C9orf153: variants seen among roughly 807,000 people sequenced by gnomAD.
C9orf153 encodes chromosome 9 open reading frame 153.
In C9orf153, 10 loss-of-function variants were observed where a neutral mutation model predicts 9.0. That is an observed-to-expected ratio of 1.11 (90% CI 0.69 to 1.89). The LOEUF (loss-of-function observed/expected upper bound fraction) is 1.89, where lower values mean the gene tolerates loss of function less well. Among genes scored for constraint, C9orf153 ranks in the 40% most tolerant of loss-of-function variants. The pLI is 0.00. For missense variants in C9orf153, 108 were observed against 111.0 expected, an observed-to-expected ratio of 0.97 and a Z score of 0.12; for synonymous variants, 35 against 37.3, an observed-to-expected ratio of 0.94 and a Z score of 0.23.
chr9:86,256,917 C>T (rs1005112584), intron 1 of C9orf153, among the ~76,000 whole-genome samples: 20 of 152,146 alleles, frequency 1.3e-4, no homozygotes, highest in Admixed American at 5.9e-4. Context: ...CCCAGCTACA[C>T]GGGAGGCTGA....
At chr9:86,240,999 G>A (rs2131192772) in intron 1 of C9orf153, among the ~76,000 whole-genome samples, 1 of 152,156 alleles carries the variant, frequency 6.6e-6, no homozygotes, top group Non-Finnish European at 1.5e-5. Context: ...GAGCCACTGT[G>A]CCGGCCCTAA....
At chr9:86,245,545 G>A (rs1217744356) in intron 1 of C9orf153, among the ~76,000 whole-genome samples, 1 of 152,144 alleles carries the variant, frequency 6.6e-6, no homozygotes, top group Non-Finnish European at 1.5e-5. Context: ...TTAGCATGAT[G>A]TCCTCCGGGT....
At chr9:86,256,918 G>A (rs1220539346) in intron 1 of C9orf153, among the ~76,000 whole-genome samples, 2 of 152,086 alleles carry the variant, frequency 1.3e-5, no homozygotes, top group Non-Finnish European at 2.9e-5. Context: ...CCAGCTACAC[G>A]GGAGGCTGAG....
At chr9:86,232,720 C>T (rs533984520) in intron 1 of C9orf153, among the ~76,000 whole-genome samples, 8 of 151,976 alleles carry the variant, frequency 5.3e-5, no homozygotes, top group African/African-American at 1.4e-4. Context: ...TTATCCTCCT[C>T]GTAATTCTTT....
At chr9:86,227,023 C>T (rs1211077259) in intron 3 of C9orf153, among the ~76,000 whole-genome samples, 1 of 152,196 alleles carries the variant, frequency 6.6e-6, no homozygotes, top group African/African-American at 2.4e-5. Flanking sequence ...GCCTCGGTCT[C>T]CCAAAGTGCT....
intron 3 of C9orf153, among the ~76,000 whole-genome samples, chr9:86,223,814 A>G (rs541790370): frequency 2.0e-5 from 3 of 152,326 alleles, no homozygotes; most frequent in African/African-American, 7.2e-5. Context: ...GGACATGAAA[A>G]CAAAAGCTAC....
At chr9:86,239,070 G>C in intron 1 of C9orf153, among the ~76,000 whole-genome samples, 1 of 151,800 alleles carries the variant, frequency 6.6e-6, no homozygotes, top group East Asian at 1.9e-4. Context: ...GACCATCCTG[G>C]CCAACATGGT....
Position 86,221,650 on chromosome 9 carries a change from A to T in C9orf153, c.*38T>A. On this transcript the variant is annotated 3_prime_UTR_variant, in exon 4 of 4. Coordinates refer to ENST00000339137, the MANE Select transcript of C9orf153 (RefSeq NM_001276366.4). ...TCAGTGTTGTATTTTATGTCTCCGA[A>T]TGAAATTGCAGTAGTGCGCCTCCAC... The T allele has an allele frequency of 6.5e-7, 1 of 1,543,664 alleles. No homozygotes were observed. Among genetic ancestry groups the T allele is most frequent in the Non-Finnish European group, 8.7e-7 (1 of 1,144,058 alleles).
At chr9:86,255,909 T>G (rs2131211086) in intron 1 of C9orf153, among the ~76,000 whole-genome samples, 1 of 152,322 alleles carries the variant, frequency 6.6e-6, no homozygotes, top group South Asian at 2.1e-4. Flanking sequence ...TATATTTTGC[T>G]CAGGGGACTT....
intron 1 of C9orf153, among the ~76,000 whole-genome samples, chr9:86,235,126 A>G (rs971701860): frequency 3.0e-4 from 45 of 152,166 alleles, no homozygotes; most frequent in Non-Finnish European, 1.2e-4. Flanking sequence ...AAAAGATTAT[A>G]AGGCAAAAAA....
Position 86,221,354 on chromosome 9 carries a change from G to A in C9orf153, c.*334C>T, listed in dbSNP as rs887367891. On this transcript the variant is annotated 3_prime_UTR_variant, in exon 4 of 4. Coordinates refer to ENST00000339137, the MANE Select transcript of C9orf153 (RefSeq NM_001276366.4). ...ATCGGACCTTTTGCTCTGTATTAAC[G>A]GCTTAATTTTACAATATACCTTCAT... The A allele has an allele frequency of 4.9e-5, 12 of 245,770 alleles. No individual in the cohort carries two copies. Among genetic ancestry groups the A allele is most frequent in the Admixed American group, 1.1e-4 (2 of 17,500 alleles). The allele number at this position is 245,770 out of a possible 1,614,324, so 15.2% of individuals were successfully genotyped here. A position where few individuals can be genotyped will look rare whatever the true frequency, so the allele number is the denominator to read the frequency against.
intron 1 of C9orf153, among the ~76,000 whole-genome samples, chr9:86,237,264 CA>C (rs1162618069): frequency 6.6e-6 from 1 of 151,896 alleles, no homozygotes; most frequent in African/African-American, 2.4e-5. Context: ...GTGTGGAAGA[CA>C]AAAACAGAAA....
In C9orf153 at chr9:86,221,641, T is replaced by C; in HGVS notation, c.*47A>G. On this transcript the variant is annotated 3_prime_UTR_variant, in exon 4 of 4. Transcript: ENST00000339137. ...AATCTCTTCTCAGTGTTGTATTTTA[T>C]GTCTCCGAATGAAATTGCAGTAGTG... 2 of 1,542,960 alleles carry C rather than the reference T, an allele frequency of 1.3e-6. No individual in the cohort carries two copies. Among genetic ancestry groups the C allele is most frequent in the Non-Finnish European group, 1.7e-6 (2 of 1,143,768 alleles).
At chr9:86,228,164 T>C in intron 2 of C9orf153, 134 bp from the exon 3 acceptor site, 1 of 673,676 alleles carries the variant, frequency 1.5e-6, no homozygotes, top group South Asian at 2.3e-5. Flanking sequence ...CTTTGGAAGA[T>C]ATCTTTGCCT....
intron 3 of C9orf153, among the ~76,000 whole-genome samples, chr9:86,222,596 C>A (rs1824230893): frequency 6.6e-6 from 1 of 151,962 alleles, no homozygotes; most frequent in Non-Finnish European, 1.5e-5. Flanking sequence ...GCCAATGAGC[C>A]AAGGAGAAAG....
intron 1 of C9orf153, among the ~76,000 whole-genome samples, chr9:86,243,889 A>G (rs1334829599): frequency 5.3e-5 from 8 of 152,196 alleles, no homozygotes; most frequent in Admixed American, 5.2e-4. Context: ...TGGCCTCAAG[A>G]CTAGTTCCTA....
chr9:86,259,248 T>A (rs979283273), intron 1 of C9orf153, among the ~76,000 whole-genome samples: 1 of 152,012 alleles, frequency 6.6e-6, no homozygotes, highest in Admixed American at 6.6e-5. Flanking sequence ...ATGAAGGCAC[T>A]GAGGTTGGGG....
At chr9:86,249,349 C>A (rs1215875650) in intron 1 of C9orf153, among the ~76,000 whole-genome samples, 1 of 152,150 alleles carries the variant, frequency 6.6e-6, no homozygotes, top group Non-Finnish European at 1.5e-5. Context: ...GTAGGAGAAT[C>A]TGGGCATCTG....
At chr9:86,232,634 T>A (rs1359222748) in intron 1 of C9orf153, among the ~76,000 whole-genome samples, 1 of 152,118 alleles carries the variant, frequency 6.6e-6, no homozygotes, top group African/African-American at 2.4e-5. Flanking sequence ...CACCCTTCCC[T>A]CCAAATCAGA....
Sources: gnomAD v4.1 joint callset for allele counts (sites outside exome capture counted in the v4.1 genomes callset) on GRCh38, gnomAD v4.1.1 for gene constraint, MANE v1.5 for transcripts, NCBI Gene and HGNC (gene_info 2026-07-23, HGNC 2026-07-21) for gene names.